Variants in RABGEF1 observed in about 807,000 individuals in gnomAD.
RABGEF1 encodes rab5 GDP/GTP exchange factor.
A neutral mutation model predicts 57.3 loss-of-function variants in RABGEF1; 26 were observed. That is an observed-to-expected ratio of 0.45 (90% CI 0.33 to 0.63). The LOEUF is 0.63. RABGEF1 is among the 20% of genes least tolerant of loss of function. RABGEF1 has a pLI of 0.02. For missense variants in RABGEF1, 464 were observed against 607.6 expected, an observed-to-expected ratio of 0.76 and a Z score of 2.48; for synonymous variants, 185 against 210.7, an observed-to-expected ratio of 0.88 and a Z score of 1.06.
chr7:66,668,043 C>T, the RABGEF1 span, among the ~76,000 whole-genome samples: 45 of 152,208 alleles, frequency 3.0e-4, no homozygotes, highest in African/African-American at 7.2e-4. Flanking sequence ...GGTGATCTAC[C>T]GGCCTTGGCC....
upstream of RABGEF1, chr7:66,739,820 T>C (rs1322874013): frequency 6.6e-6 from 1 of 152,228 alleles, no homozygotes; most frequent in Non-Finnish European, 1.5e-5. Context: ...CGTTACGCCA[T>C]ACATGGCATT....
At chr7:66,684,183 T>C (rs1032976607) in intron 1 of RABGEF1, among the ~76,000 whole-genome samples, 2 of 152,164 alleles carry the variant, frequency 1.3e-5, no homozygotes, top group African/African-American at 4.8e-5. Flanking sequence ...CGGTGGCTTA[T>C]GCCTGTAATC....
intron 2 of RABGEF1, among the ~76,000 whole-genome samples, chr7:66,729,240 G>A (rs1259358376): frequency 2.7e-5 from 4 of 149,208 alleles, no homozygotes; most frequent in East Asian, 4.0e-4. Context: ...GTGAGCCACC[G>A]CACCCAGCCC....
intron 4 of RABGEF1, among the ~76,000 whole-genome samples, chr7:66,784,465 A>G (rs1810681704): frequency 6.6e-6 from 1 of 152,238 alleles, no homozygotes; most frequent in Non-Finnish European, 1.5e-5. Flanking sequence ...TTCAGTGGCA[A>G]TAATTAATAA....
the RABGEF1 span, among the ~76,000 whole-genome samples, chr7:66,673,285 AT>A: frequency 6.6e-6 from 1 of 151,390 alleles, no homozygotes; most frequent in Non-Finnish European, 1.5e-5. Flanking sequence ...TATACAGCTT[AT>A]GTATCCCTAG....
In RABGEF1 at chr7:66,705,450, AGAGAGAGAG is replaced by A. The variant is rs1562716577; in HGVS notation, c.-872-6716_-872-6708del. On this transcript the variant is annotated intron_variant and NMD_transcript_variant, in intron 1 of 9. Coordinates refer to the RABGEF1 transcript ENST00000607882. ...AAACTCCATCTCGAAAGAAAGAGAG[AGAGAGAGAG>A]AGAGAGAGAGAGAGAGAGAGAGAGA... is the stretch of plus-strand genomic sequence containing the variant. Among the ~76,000 whole-genome samples, 255 of 119,384 alleles carry A rather than the reference AGAGAGAGAG, an allele frequency of 2.1e-3. 2 individuals carry two copies. The highest frequency in any genetic ancestry group is 7.5e-3 in the African/African-American group (236 of 31,304). 78.3% of individuals were successfully genotyped at this position (119,384 alleles called of 152,430 possible).
In RABGEF1 at chr7:66,762,466, T is replaced by C. The variant is rs529192597; in HGVS notation, c.-17-9417T>C. On this transcript the variant is annotated intron_variant, in intron 1 of 8. Coordinates refer to ENST00000284957, the MANE Select transcript of RABGEF1 (RefSeq NM_014504.3). ...CTTAGCCAGGCATGGTGCCACATGC[T>C]ATAGTCCCAGCTACTCAAGAGGCTG... Among the ~76,000 whole-genome samples the C allele has an allele frequency of 7.9e-5, 12 of 152,124 alleles. No individual in the cohort carries two copies. In the East Asian group the frequency reaches 2.3e-3, roughly 29 times the overall value.
intron 1 of RABGEF1, among the ~76,000 whole-genome samples, chr7:66,749,425 T>C (rs1317514894): frequency 6.6e-6 from 1 of 152,220 alleles, no homozygotes; most frequent in Non-Finnish European, 1.5e-5. Flanking sequence ...GTTTTCTAAA[T>C]GTGTTCCTCA....
At chr7:66,657,450 AAC>A in the RABGEF1 span, among the ~76,000 whole-genome samples, 3 of 152,242 alleles carry the variant, frequency 2.0e-5, no homozygotes, top group African/African-American at 7.2e-5. Flanking sequence ...TGAAAATGAA[AAC>A]ACAACATACC....
At position 66,805,381 on chromosome 7, in the gene RABGEF1, C is replaced by G; in HGVS notation, c.1062C>G (p.Tyr354Ter). The change falls in exon 8 of 9, where the codon TAC becomes TAG. Residue 354 changes from tyrosine to a stop codon, truncating the protein, a stop_gained. Coordinates refer to ENST00000284957, the MANE Select transcript of RABGEF1 (RefSeq NM_014504.3). LOFTEE classifies it high-confidence loss of function. ...PSRLMTGEDG[Y>*]YFTNLCCAVA... ...GACTGATGACTGGAGAGGATGGCTA[C>G]TATTTCACCAATCTGGTGAGTAAGT... 1 of 1,614,136 alleles carries G rather than the reference C, an allele frequency of 6.2e-7. No homozygotes were observed. The highest frequency in any genetic ancestry group is 8.5e-7 in the Non-Finnish European group (1 of 1,180,046).
the RABGEF1 span, among the ~76,000 whole-genome samples, chr7:66,655,490 G>T: frequency 6.6e-6 from 1 of 152,128 alleles, no homozygotes; most frequent in Admixed American, 6.5e-5. Flanking sequence ...TTGGTTTTTG[G>T]CTTGGAGAGC....
intron 2 of RABGEF1, among the ~76,000 whole-genome samples, chr7:66,721,596 C>A (rs1367685341): frequency 2.0e-5 from 3 of 152,168 alleles, no homozygotes; most frequent in Non-Finnish European, 4.4e-5. Flanking sequence ...CTGACTCTGA[C>A]CCTCCTGCCT....
At chr7:66,689,024 G>T (rs62466127) in intron 1 of RABGEF1, among the ~76,000 whole-genome samples, 6,004 of 152,094 alleles carry the variant, frequency 0.039, 165 homozygotes, top group East Asian at 0.085. Context: ...ACCTGGGAGA[G>T]GGAGGTTGCA....
At chr7:66,800,698 A>G (rs778774515) in intron 7 of RABGEF1, among the ~76,000 whole-genome samples, 8 of 152,362 alleles carry the variant, frequency 5.3e-5, no homozygotes, top group Middle Eastern at 3.4e-3. Context: ...GTTCAAGATC[A>G]GCTGGTTTAC....
chr7:66,702,726 A>G (rs1793478381), intron 1 of RABGEF1, among the ~76,000 whole-genome samples: 1 of 152,084 alleles, frequency 6.6e-6, no homozygotes, highest in African/African-American at 2.4e-5. Flanking sequence ...CTAATGATTA[A>G]TGATGTTGAA....
At chr7:66,787,917 G>A (rs548443482) in intron 4 of RABGEF1, among the ~76,000 whole-genome samples, 1 of 152,224 alleles carries the variant, frequency 6.6e-6, no homozygotes, top group South Asian at 2.1e-4. Flanking sequence ...ATATGAAAAC[G>A]CTCACTGTAA....
At chr7:66,771,608 TTAATC>T (rs1365579302) in intron 1 of RABGEF1, among the ~76,000 whole-genome samples, 10 of 152,156 alleles carry the variant, frequency 6.6e-5, no homozygotes, top group African/African-American at 1.7e-4. Flanking sequence ...ATTTAGGTCT[TTAATC>T]TAATGTGAGT....
chr7:66,743,300 A>G (rs1188468418), intron 1 of RABGEF1, among the ~76,000 whole-genome samples: 1 of 149,228 alleles, frequency 6.7e-6, no homozygotes, highest in Non-Finnish European at 1.5e-5. Context: ...ACAGAGCGAG[A>G]CCTCGTCTCA....
chr7:66,786,724 G>A lies in RABGEF1; in HGVS notation c.513+2883G>A, dbSNP rs1811275621. Among the ~76,000 whole-genome samples the A allele has an allele frequency of 2.0e-5, 3 of 152,084 alleles. No individual in the cohort carries two copies. In the South Asian group the frequency reaches 6.2e-4, roughly 32 times the overall value. The stretch of plus-strand genomic sequence containing the variant: ...CAGTGCTATTCAGCAAATGTTGTTT[G>A]CTAATATTTTTCTGAAGCTTGTTTA... On this transcript the variant is annotated intron_variant, in intron 4 of 8. Transcript: ENST00000284957.
Sources: allele counts gnomAD v4.1 joint callset (sites outside exome capture counted in the v4.1 genomes callset), GRCh38; gene constraint gnomAD v4.1.1; transcripts MANE v1.5; gene names NCBI Gene and HGNC (gene_info 2026-07-23, HGNC 2026-07-21).